ESRRG: variants seen among roughly 807,000 people sequenced by gnomAD.
The protein encoded by ESRRG is estrogen related receptor gamma, also known as estrogen-related receptor gamma.
A neutral mutation model predicts 44.0 loss-of-function variants in ESRRG; 13 were observed. The ratio of observed to expected loss-of-function variants is 0.30; its 90% confidence interval spans 0.19 to 0.47. The LOEUF (loss-of-function observed/expected upper bound fraction) is 0.47, where lower values mean the gene tolerates loss of function less well. Ranked by LOEUF, ESRRG falls within the 20% of genes least tolerant of loss-of-function variation. The pLI is 1.00. For missense variants in ESRRG, 395 were observed against 580.6 expected (o/e 0.68, Z 3.29); for synonymous variants, 215 against 214.6 (o/e 1.00, Z -0.02).
intron 1 of ESRRG, among the ~76,000 whole-genome samples, chr1:216,700,512 G>T (rs955327161): frequency 1.3e-5 from 2 of 151,946 alleles, no homozygotes; most frequent in African/African-American, 4.8e-5. Flanking sequence ...ACACACTTAC[G>T]CACTCATTTG....
At chr1:216,742,269 G>A (rs1006836659) in intron 2 of ESRRG, among the ~76,000 whole-genome samples, 1 of 152,136 alleles carries the variant, frequency 6.6e-6, no homozygotes, top group South Asian at 2.1e-4. Flanking sequence ...TCTTTATAAA[G>A]TAGGTTAGAG....
chr1:216,561,145 AC>A (rs1301072181), intron 5 of ESRRG, among the ~76,000 whole-genome samples: 1 of 152,180 alleles, frequency 6.6e-6, no homozygotes, highest in Non-Finnish European at 1.5e-5. Flanking sequence ...GATAAAAAAA[AC>A]CTATTCCATA....
intron 6 of ESRRG, among the ~76,000 whole-genome samples, chr1:216,515,915 T>C (rs2044122607): frequency 6.6e-6 from 1 of 152,098 alleles, no homozygotes; most frequent in Admixed American, 6.6e-5. Context: ...AATCCTATCA[T>C]ATAATCTTAC....
intron 1 of ESRRG, among the ~76,000 whole-genome samples, chr1:217,122,943 CG>C (rs2092840459): frequency 6.6e-6 from 1 of 151,978 alleles, no homozygotes. Context: ...CCGCCTGCCT[CG>C]GCCTCCCAAA....
At chr1:217,044,328 A>G (rs1323477050) in intron 1 of ESRRG, among the ~76,000 whole-genome samples, 1 of 152,064 alleles carries the variant, frequency 6.6e-6, no homozygotes, top group Admixed American at 6.6e-5. Flanking sequence ...TTTCTCAACC[A>G]TGGGGACCCT....
In ESRRG at chr1:216,678,695, T is replaced by C. The variant is rs117407873; in HGVS notation, c.57-1204A>G. Among the ~76,000 whole-genome samples the C allele has an allele frequency of 5.3e-5, 8 of 152,278 alleles. No individual in the cohort carries two copies. In the East Asian group the frequency reaches 1.5e-3, roughly 29 times the overall value. On this transcript the variant is annotated intron_variant, in intron 1 of 6. Transcript: ENST00000408911. ...GTGCAAAACCTCGTTTAGCAAAATG[T>C]CTAAGAAGCTTCTGAGAGCCCACTA...
rs146380503 is a variant in ESRRG at position 216,633,174 on chromosome 1, C to T, written c.589+17799G>A. 2.6e-3 allele frequency among the ~76,000 whole-genome samples: 391 copies of T among 152,290 alleles called. 2 individuals carry two copies. The highest frequency in any genetic ancestry group is 9.1e-3 in the African/African-American group (380 of 41,556). On this transcript the variant is annotated intron_variant, in intron 3 of 6. Coordinates refer to ENST00000408911, the MANE Select transcript of ESRRG (RefSeq NM_001438.4). ...ATTTGCAGCAATCTCCTGCTCACAC[C>T]ACCTCCAAATGAAGGCAGGCACATT...
chr1:216,913,899 G>A (rs1402266824), intron 2 of ESRRG, among the ~76,000 whole-genome samples: 1 of 152,178 alleles, frequency 6.6e-6, no homozygotes, highest in African/African-American at 2.4e-5. Flanking sequence ...GAGGTCCACA[G>A]TTATATCTAG....
At chr1:217,023,747 G>A (rs746824598) in intron 1 of ESRRG, among the ~76,000 whole-genome samples, 7 of 151,846 alleles carry the variant, frequency 4.6e-5, no homozygotes, top group Non-Finnish European at 8.8e-5. Context: ...TCCCCACCCC[G>A]ACCCTTGCCC....
chr1:216,713,602 A>G (rs1302630768), intron 1 of ESRRG, among the ~76,000 whole-genome samples: 2 of 152,180 alleles, frequency 1.3e-5, no homozygotes, highest in African/African-American at 4.8e-5. Flanking sequence ...GGAGTACTTA[A>G]TTTCTCCAGA....
At position 217,105,083 on chromosome 1, in the gene ESRRG, A is replaced by T. The variant is rs567426848; in HGVS notation, c.-230+32584T>A. On this transcript the variant is annotated intron_variant, in intron 1 of 8. Coordinates refer to the ESRRG transcript ENST00000366940. Reference sequence around the variant, plus strand: ...AGGACTCCACCAAAACCACATGCAAATTTAGCTCAATTTGAGGCATGACAT... The same window carrying T: ...AGGACTCCACCAAAACCACATGCAATTTTAGCTCAATTTGAGGCATGACAT... 3.9e-5 allele frequency among the ~76,000 whole-genome samples: 6 copies of T among 152,256 alleles called. No individual in the cohort carries two copies. The South Asian group carries it at 1.2e-3, about 32-fold the overall frequency.
chr1:216,902,187 T>A (rs1229520562), intron 2 of ESRRG, among the ~76,000 whole-genome samples: 3 of 152,216 alleles, frequency 2.0e-5, no homozygotes, highest in African/African-American at 7.2e-5. Flanking sequence ...CAGGTGGTTC[T>A]GACATTAAAA....
At chr1:216,757,344 T>A (rs2092510051) in intron 2 of ESRRG, among the ~76,000 whole-genome samples, 2 of 151,958 alleles carry the variant, frequency 1.3e-5, no homozygotes, top group Non-Finnish European at 2.9e-5. Flanking sequence ...TGGTACACAA[T>A]GAAGTGTAAA....
At chr1:216,693,884 C>A (rs893485543) in intron 1 of ESRRG, among the ~76,000 whole-genome samples, 17 of 152,112 alleles carry the variant, frequency 1.1e-4, no homozygotes, top group African/African-American at 3.6e-4. Flanking sequence ...ATGAACAAAC[C>A]ATGAATTCAC....
intron 1 of ESRRG, among the ~76,000 whole-genome samples, chr1:217,121,710 T>A (rs1028817805): frequency 6.6e-6 from 1 of 152,170 alleles, no homozygotes; most frequent in African/African-American, 2.4e-5. Context: ...GAAGTTAACC[T>A]GGGAAGATGG....
intron 1 of ESRRG, among the ~76,000 whole-genome samples, chr1:217,059,254 T>A (rs935515081): frequency 2.7e-5 from 4 of 150,912 alleles, no homozygotes; most frequent in Non-Finnish European, 4.4e-5. Flanking sequence ...ATAATAACCA[T>A]GGTTATTATA....
chr1:216,841,106 T>C lies in ESRRG; in HGVS notation c.-14+98476A>G, dbSNP rs2095646149. Among the ~76,000 whole-genome samples the C allele has an allele frequency of 2.0e-5, 3 of 152,134 alleles. No individual in the cohort carries two copies. In the South Asian group the frequency reaches 6.2e-4, roughly 31 times the overall value. On this transcript the variant is annotated intron_variant, in intron 2 of 7. Coordinates refer to the ESRRG transcript ENST00000359162. ...GTAAATCAAAATGCAATGAACAAGG[T>C]ATACCTGTAGTCATCATCAACTCAC...
intron 3 of ESRRG, among the ~76,000 whole-genome samples, chr1:216,605,582 C>T (rs536733015): frequency 2.0e-5 from 3 of 152,098 alleles, no homozygotes; most frequent in Non-Finnish European, 4.4e-5. Context: ...TGTATACTGT[C>T]ACCAATAGTA....
In ESRRG at chr1:216,568,089, A is replaced by C; in HGVS notation, c.599T>G (p.Leu200Arg). 1 of 1,612,836 alleles carries C rather than the reference A, an allele frequency of 6.2e-7. No individual in the cohort carries two copies. The highest frequency in any genetic ancestry group is 8.5e-7 in the Non-Finnish European group (1 of 1,178,874). Reference sequence around the variant, plus strand: ...CTGCCGACCTCCACGTACTCTGTCAAGACGCACCCCTGTGAGCAAAGACAG... The same window carrying C: ...CTGCCGACCTCCACGTACTCTGTCACGACGCACCCCTGTGAGCAAAGACAG... ...KVGMLKEGVR[L>R]DRVRGGRQKY... Residue 200 changes from leucine to arginine, a missense_variant, in exon 4 of 7, where the codon CTT becomes CGT. Physicochemically the swap from Leu to Arg is moderately radical, Grantham distance 102. Coordinates refer to ENST00000408911, the MANE Select transcript of ESRRG (RefSeq NM_001438.4).
Sources: gnomAD v4.1 joint callset for allele counts (sites outside exome capture counted in the v4.1 genomes callset) on GRCh38, gnomAD v4.1.1 for gene constraint, MANE v1.5 for transcripts, NCBI Gene and HGNC (gene_info 2026-07-23, HGNC 2026-07-21) for gene names.